CPQ: variants seen among roughly 807,000 people sequenced by gnomAD.
CPQ encodes the protein Ser-Met dipeptidase.
Under a neutral mutation model 45.7 loss-of-function variants are expected in CPQ, and 37 were observed. That is an observed-to-expected ratio of 0.81 (90% CI 0.62 to 1.07). The LOEUF is 1.07. Ranked by LOEUF, CPQ falls within the 50% of genes least tolerant of loss-of-function variation. CPQ has a pLI of 0.00. For missense variants in CPQ, 537 were observed against 572.9 expected (o/e 0.94, Z 0.64); for synonymous variants, 186 against 205.8 (o/e 0.90, Z 0.82).
intron 4 of CPQ, among the ~76,000 whole-genome samples, chr8:96,932,979 G>A (rs956563447): frequency 1.1e-4 from 16 of 152,234 alleles, no homozygotes; most frequent in African/African-American, 3.9e-4. Flanking sequence ...AGCAACCATT[G>A]GCTTCTTGCT....
At chr8:96,761,216 C>G (rs1810400567) in intron 1 of CPQ, 1 of 152,178 alleles carries the variant, frequency 6.6e-6, no homozygotes, top group Admixed American at 6.5e-5. Context: ...GCTGGTTAAG[C>G]TTTTGGCTTG....
intron 4 of CPQ, among the ~76,000 whole-genome samples, chr8:96,925,485 C>T (rs1259637993): frequency 6.6e-6 from 1 of 151,168 alleles, no homozygotes; most frequent in Admixed American, 6.6e-5. Flanking sequence ...TAGGCTCAAG[C>T]GATTCTCGTG....
chr8:97,048,740 C>T (rs536600413), intron 6 of CPQ, among the ~76,000 whole-genome samples: 20 of 152,234 alleles, frequency 1.3e-4, no homozygotes, highest in African/African-American at 3.1e-4. Context: ...AGAGGTGGAA[C>T]GGAAAATGAG....
chr8:96,717,662 T>C lies in CPQ; in HGVS notation c.-34-67202T>C, dbSNP rs142547159. Among the ~76,000 whole-genome samples, 734 of 152,180 alleles carry C rather than the reference T, an allele frequency of 4.8e-3. 8 individuals are homozygous for C. Among genetic ancestry groups the C allele is most frequent in the African/African-American group, 0.017 (691 of 41,534 alleles). On this transcript the variant is annotated intron_variant, in intron 1 of 7. Transcript: ENST00000220763. The stretch of plus-strand genomic sequence containing the variant: ...CCAGGGGAGGTACTCAGACAATGGA[T>C]TGGGACATAGAGCTCCCCAAAAGTT...
At chr8:96,660,369 G>A in intron 1 of CPQ, among the ~76,000 whole-genome samples, 1 of 152,136 alleles carries the variant, frequency 6.6e-6, no homozygotes, top group South Asian at 2.1e-4. Flanking sequence ...GGCCCACCCT[G>A]ATAGTCTCAT....
chr8:97,061,279 CTT>C (rs1810546808), intron 6 of CPQ, among the ~76,000 whole-genome samples: 1 of 152,032 alleles, frequency 6.6e-6, no homozygotes, highest in Non-Finnish European at 1.5e-5. Flanking sequence ...GTTTTCATTT[CTT>C]TCTTGGCTTA....
At chr8:97,083,604 T>C (rs1810993843) in intron 7 of CPQ, among the ~76,000 whole-genome samples, 1 of 152,208 alleles carries the variant, frequency 6.6e-6, no homozygotes, top group African/African-American at 2.4e-5. Flanking sequence ...TTTCAAAGAA[T>C]GCCTCTAGGG....
intron 1 of CPQ, among the ~76,000 whole-genome samples, chr8:96,719,230 C>T (rs1017069751): frequency 1.3e-5 from 2 of 152,226 alleles, no homozygotes; most frequent in African/African-American, 2.4e-5. Context: ...AGCCCTGCCC[C>T]GCAGGAAGGC....
rs1256570542 is a variant in CPQ, at chr8:97,041,945, T to A, written c.1053+12451T>A. ...CATCAAGGATATTAGTCTAAAATTC[T>A]CTTTTTTGGATGTGTCTCTGCCAGG... is the stretch of plus-strand genomic sequence containing the variant. On this transcript the variant is annotated intron_variant, in intron 6 of 7. Coordinates refer to ENST00000220763, the MANE Select transcript of CPQ (RefSeq NM_016134.4). Among the ~76,000 whole-genome samples, 5 of 152,214 alleles carry A rather than the reference T, an allele frequency of 3.3e-5. No homozygotes were observed. The East Asian group carries it at 5.8e-4, about 18-fold the overall frequency.
chr8:96,712,832 G>T (rs983040940), intron 1 of CPQ, among the ~76,000 whole-genome samples: 1 of 151,864 alleles, frequency 6.6e-6, no homozygotes, highest in South Asian at 2.1e-4. Context: ...TTGGCCCCTT[G>T]TTACTTTTGC....
rs117195054 is a variant in CPQ at position 96,652,192 on chromosome 8, T to C, written c.-35+6790T>C. ...ACGCTTCTTAGTTCTGTTGTTTAGA[T>C]TCCACGTAGAAGTGAGATCATGTGG... is the stretch of plus-strand genomic sequence containing the variant. On this transcript the variant is annotated intron_variant, in intron 1 of 7. Coordinates refer to ENST00000220763, the MANE Select transcript of CPQ (RefSeq NM_016134.4). Among the ~76,000 whole-genome samples the C allele has an allele frequency of 1.8e-3, 271 of 152,342 alleles. 4 individuals carry two copies. Among genetic ancestry groups the C allele is most frequent in the Admixed American group, 0.013 (196 of 15,304 alleles).
intron 1 of CPQ, among the ~76,000 whole-genome samples, chr8:96,744,834 G>C (rs530148884): frequency 4.8e-4 from 73 of 152,122 alleles, no homozygotes; most frequent in African/African-American, 1.7e-3. Flanking sequence ...TATTATATTT[G>C]GATTCATTTC....
intron 1 of CPQ, among the ~76,000 whole-genome samples, chr8:96,653,585 C>T (rs139465664): frequency 1.3e-5 from 2 of 152,114 alleles, no homozygotes; most frequent in Admixed American, 6.5e-5. Flanking sequence ...TTACCAGTAA[C>T]ATAAATAGCC....
intron 7 of CPQ, among the ~76,000 whole-genome samples, chr8:97,116,832 A>G (rs1167116929): frequency 2.6e-5 from 4 of 152,246 alleles, no homozygotes; most frequent in South Asian, 4.1e-4. Flanking sequence ...AGAAAGGTAG[A>G]TAATAGGAGG....
chr8:96,708,406 C>T (rs1338282302), intron 1 of CPQ, among the ~76,000 whole-genome samples: 1 of 142,678 alleles, frequency 7.0e-6, no homozygotes, highest in Non-Finnish European at 1.5e-5. Context: ...AATGAAAAGA[C>T]AAGGTAAGCC....
intron 4 of CPQ, among the ~76,000 whole-genome samples, chr8:96,930,121 C>T (rs1812951062): frequency 6.6e-6 from 1 of 152,290 alleles, no homozygotes; most frequent in South Asian, 2.1e-4. Flanking sequence ...AATGAAAATA[C>T]AGTCTCATCT....
chr8:96,975,887 T>C (rs1216464291), intron 5 of CPQ, among the ~76,000 whole-genome samples: 1 of 151,984 alleles, frequency 6.6e-6, no homozygotes, highest in Non-Finnish European at 1.5e-5. Context: ...AACATTATAC[T>C]GAATAGGGAA....
At chr8:96,750,828 C>T (rs1170260704) in intron 1 of CPQ, among the ~76,000 whole-genome samples, 1 of 152,020 alleles carries the variant, frequency 6.6e-6, no homozygotes, top group Non-Finnish European at 1.5e-5. Flanking sequence ...GTTGTTTCCC[C>T]CAGTGTGTCC....
At chr8:96,680,439 A>C (rs902413416) in intron 1 of CPQ, 3 of 151,778 alleles carry the variant, frequency 2.0e-5, no homozygotes, top group Non-Finnish European at 4.4e-5. Context: ...GGTTTTAAAA[A>C]CAGGAGTTTC....
Sources: gnomAD v4.1 joint callset for allele counts (sites outside exome capture counted in the v4.1 genomes callset) on GRCh38, gnomAD v4.1.1 for gene constraint, MANE v1.5 for transcripts, NCBI Gene and HGNC (gene_info 2026-07-23, HGNC 2026-07-21) for gene names.